Variants in RB1CC1 observed in about 807,000 individuals in gnomAD.
RB1CC1 encodes the protein RB1 inducible coiled-coil 1.
A neutral mutation model predicts 177.5 loss-of-function variants in RB1CC1; 46 were observed. The ratio of observed to expected loss-of-function variants is 0.26; its 90% CI spans 0.20 to 0.33. RB1CC1 has a LOEUF of 0.33. RB1CC1 is among the 10% of genes least tolerant of loss of function. The pLI is 1.00. For synonymous variants in RB1CC1, 666 were observed against 613.6 expected (o/e 1.09, Z -1.26); for missense variants, 1,703 against 1,816.3 (o/e 0.94, Z 1.13).
intron 22 of RB1CC1, among the ~76,000 whole-genome samples, chr8:52,627,209 T>A (rs1848457602): frequency 6.6e-6 from 1 of 151,660 alleles, no homozygotes; most frequent in African/African-American, 2.4e-5. Flanking sequence ...TAGCTGGGCG[T>A]GGTGGCACAC....
Position 52,658,106 on chromosome 8 carries a change from G to A in RB1CC1, c.1812C>T (p.Asp604=), listed in dbSNP as rs182779815. 1.8e-5 allele frequency: 29 copies of A among 1,612,656 alleles called. No individual in the cohort carries two copies. In the African/African-American group the frequency reaches 3.6e-4, roughly 20 times the overall value. The change falls in exon 14 of 24, where the codon GAC becomes GAT. Residue 604 remains aspartate, a synonymous_variant. Coordinates refer to ENST00000025008, the MANE Select transcript of RB1CC1 (RefSeq NM_014781.5). ...QPFLRVPLLC[D]FEPLHQHVLA... Reference sequence around the variant, plus strand: ...GTACATGCTGGTGTAGAGGTTCAAAGTCACAAAGTAAGGGAACCCTGAAAC... The same window carrying A: ...GTACATGCTGGTGTAGAGGTTCAAAATCACAAAGTAAGGGAACCCTGAAAC...
intron 8 of RB1CC1, among the ~76,000 whole-genome samples, chr8:52,667,240 A>G (rs939790799): frequency 3.2e-4 from 49 of 152,254 alleles, no homozygotes; most frequent in Non-Finnish European, 8.8e-5. Context: ...ACTAAAGGAC[A>G]TTCTAATTTA....
intron 23 of RB1CC1, among the ~76,000 whole-genome samples, chr8:52,624,237 T>C (rs940206745): frequency 6.6e-6 from 1 of 152,018 alleles, no homozygotes; most frequent in South Asian, 2.1e-4. Context: ...CCCCAAATTA[T>C]AGTGAGTCAG....
chr8:52,628,101 C>A lies in RB1CC1; in HGVS notation c.4567G>T (p.Val1523Phe). The A allele has an allele frequency of 6.2e-7, 1 of 1,605,204 alleles. No individual in the cohort carries two copies. The highest frequency in any genetic ancestry group is 8.5e-7 in the Non-Finnish European group (1 of 1,173,032). ...ERHDNYVLFT[V>F]SPTLYFLHSE... Reference sequence around the variant, plus strand: ...TGTAGAAAATATAAAGTAGGACTAACAGTAAATAACACATAATTGTCATGG... The same window carrying A: ...TGTAGAAAATATAAAGTAGGACTAAAAGTAAATAACACATAATTGTCATGG... Residue 1523 changes from valine to phenylalanine, a missense_variant, in exon 22 of 24, where the codon GTT becomes TTT. This residue lies in a region of RB1CC1 where 70 missense variants were observed against 118.0 expected (regional missense o/e 0.59). Transcript: ENST00000025008.
chr8:52,665,773 G>C (rs1852015591), intron 8 of RB1CC1, among the ~76,000 whole-genome samples: 2 of 152,126 alleles, frequency 1.3e-5, no homozygotes, highest in Non-Finnish European at 2.9e-5. Flanking sequence ...AACCAAGAGA[G>C]AGAAATTAGG....
intron 18 of RB1CC1, among the ~76,000 whole-genome samples, chr8:52,640,803 ATTTTAT>A (rs1462385500): frequency 6.6e-6 from 1 of 151,900 alleles, no homozygotes; most frequent in Non-Finnish European, 1.5e-5. Flanking sequence ...TTTTTGTTCT[ATTTTAT>A]TTTTAATATA....
At chr8:52,658,338 G>A (rs906623997) in intron 13 of RB1CC1, among the ~76,000 whole-genome samples, 5 of 152,068 alleles carry the variant, frequency 3.3e-5, no homozygotes, top group Non-Finnish European at 1.5e-5. Context: ...AAGCACTTTG[G>A]GAGGCCTAGG....
intron 20 of RB1CC1, among the ~76,000 whole-genome samples, chr8:52,631,720 G>A (rs1042379776): frequency 7.9e-5 from 12 of 152,148 alleles, no homozygotes; most frequent in African/African-American, 2.9e-4. Flanking sequence ...TGCTCGTCGG[G>A]AAAATTCACC....
intron 18 of RB1CC1, among the ~76,000 whole-genome samples, chr8:52,640,611 C>T (rs1186794968): frequency 6.6e-6 from 1 of 152,048 alleles, no homozygotes; most frequent in Non-Finnish European, 1.5e-5. Flanking sequence ...TATCATTTGG[C>T]TCTAGGTACC....
At chr8:52,705,523 G>A (rs1856466271) in intron 1 of RB1CC1, among the ~76,000 whole-genome samples, 2 of 152,054 alleles carry the variant, frequency 1.3e-5, no homozygotes, top group Admixed American at 6.6e-5. Context: ...AACTTTTAAG[G>A]GAATTTAATC....
intron 5 of RB1CC1, among the ~76,000 whole-genome samples, chr8:52,681,964 G>T (rs1336823996): frequency 6.6e-6 from 1 of 152,122 alleles, no homozygotes; most frequent in African/African-American, 2.4e-5. Flanking sequence ...TCCCTACTGG[G>T]GGCACTCCCT....
intron 19 of RB1CC1, among the ~76,000 whole-genome samples, chr8:52,635,721 AAACT>A (rs1334067189): frequency 1.3e-5 from 2 of 152,112 alleles, no homozygotes; most frequent in Non-Finnish European, 2.9e-5. Context: ...CTATTAGGTA[AAACT>A]ATTACTTTAC....
chr8:52,627,643 GGATA>G (rs1848490111), intron 22 of RB1CC1, among the ~76,000 whole-genome samples: 1 of 152,090 alleles, frequency 6.6e-6, no homozygotes, highest in African/African-American at 2.4e-5. Context: ...GGATGATATA[GGATA>G]GACTAGACAT....
At chr8:52,642,209 G>T in intron 18 of RB1CC1, 142 bp downstream of exon 18, 1 of 1,136,992 alleles carries the variant, frequency 8.8e-7, no homozygotes, top group Non-Finnish European at 1.2e-6. Flanking sequence ...CACACTTACA[G>T]TTTAAAGAAT....
intron 3 of RB1CC1, among the ~76,000 whole-genome samples, chr8:52,684,289 C>T (rs898702877): frequency 6.6e-6 from 1 of 152,170 alleles, no homozygotes; most frequent in African/African-American, 2.4e-5. Context: ...AATCTCCACA[C>T]GTTTTAGAAA....
At chr8:52,708,313 G>C (rs1211152836) in intron 1 of RB1CC1, among the ~76,000 whole-genome samples, 1 of 151,932 alleles carries the variant, frequency 6.6e-6, no homozygotes, top group Non-Finnish European at 1.5e-5. Context: ...TAAGGAGATC[G>C]AGACCATCCT....
chr8:52,637,465 G>A (rs1849232282), intron 18 of RB1CC1, among the ~76,000 whole-genome samples: 1 of 152,090 alleles, frequency 6.6e-6, no homozygotes, highest in Non-Finnish European at 1.5e-5. Flanking sequence ...AGCCTCCTGA[G>A]TAGCTGGGAC....
intron 1 of RB1CC1, among the ~76,000 whole-genome samples, chr8:52,707,303 C>G (rs1476140639): frequency 6.6e-6 from 1 of 152,164 alleles, no homozygotes; most frequent in East Asian, 1.9e-4. Flanking sequence ...TTACCTCAAA[C>G]TCAACATGTC....
At chr8:52,704,710 T>G (rs1439707448) in intron 1 of RB1CC1, among the ~76,000 whole-genome samples, 2 of 152,172 alleles carry the variant, frequency 1.3e-5, no homozygotes, top group Non-Finnish European at 2.9e-5. Flanking sequence ...TGACTCTCTA[T>G]GATCTAGAAC....
Sources: gnomAD v4.1 joint callset for allele counts (sites outside exome capture counted in the v4.1 genomes callset) on GRCh38, gnomAD v4.1.1 for gene constraint, gnomAD v4.1.1 regional missense constraint, MANE v1.5 for transcripts, NCBI Gene and HGNC (gene_info 2026-07-23, HGNC 2026-07-21) for gene names.